The following PABPC1 variants were observed in gnomAD, a reference collection of about 807,000 sequenced individuals.
The protein encoded by PABPC1 is polyadenylate-binding protein 1.
Under a neutral mutation model 74.0 loss-of-function variants are expected in PABPC1, and 4 were observed. The observed-to-expected ratio is 0.05, with a 90% CI of 0.03 to 0.12. The LOEUF is 0.12. PABPC1 is among the 10% of genes least tolerant of loss of function. The probability of loss-of-function intolerance (pLI) is 1.00; values close to 1 mark genes in which losing one functional copy is unlikely to be tolerated. For synonymous variants in PABPC1, 227 were observed against 264.1 expected, an observed-to-expected ratio of 0.86 and a Z score of 1.36; for missense variants, 271 against 821.1, an observed-to-expected ratio of 0.33 and a Z score of 8.19.
In PABPC1 at chr8:100,715,446, A is replaced by T. The variant is rs1324857734; in HGVS notation, c.643+16T>A. The T allele has an allele frequency of 6.3e-7, 1 of 1,577,916 alleles. No homozygotes were observed. Among genetic ancestry groups the T allele is most frequent in the Non-Finnish European group, 8.6e-7 (1 of 1,159,346 alleles). On this transcript the variant is annotated intron_variant, in intron 4 of 14. Coordinates refer to ENST00000318607, the MANE Select transcript of PABPC1 (RefSeq NM_002568.4). ...TTCAGAGCTTTGTGTGTAAAAATTT[A>T]ATTAAGACACATTACCAAACTTGCC...
At chr8:100,714,095 G>A (rs1322318358) in intron 4 of PABPC1, among the ~76,000 whole-genome samples, 1 of 152,180 alleles carries the variant, frequency 6.6e-6, no homozygotes, top group Non-Finnish European at 1.5e-5. Flanking sequence ...TTTGATTACA[G>A]AAATTTAGAA....
intron 9 of PABPC1, among the ~76,000 whole-genome samples, chr8:100,708,652 G>T (rs189055045): frequency 6.6e-6 from 1 of 152,304 alleles, no homozygotes; most frequent in African/African-American, 2.4e-5. Context: ...GAGGTGGGCA[G>T]ATGACCTGAG....
chr8:100,712,920 T>G (rs1011985724), intron 5 of PABPC1, 131 bp from the exon 6 acceptor site: 2 of 1,217,376 alleles, frequency 1.6e-6, no homozygotes, highest in Non-Finnish European at 2.2e-6. Flanking sequence ...TCTCAAGGTT[T>G]TGGGACAATA....
intron 1 of PABPC1, among the ~76,000 whole-genome samples, chr8:100,720,454 T>C (rs1289826349): frequency 1.3e-5 from 2 of 152,224 alleles, no homozygotes; most frequent in Non-Finnish European, 2.9e-5. Context: ...TCTTGCATGC[T>C]ACAGATAAGA....
chr8:100,721,033 CGGA>C lies in PABPC1; in HGVS notation c.193+355_193+357del, dbSNP rs1408686492. On this transcript the variant is annotated intron_variant, in intron 1 of 14. Coordinates refer to ENST00000318607, the MANE Select transcript of PABPC1 (RefSeq NM_002568.4). This position sits in a 1 kb window ranked among gnomAD's most constrained non-coding sequence, Gnocchi z 7.4. ...TGGGAGCGCCTCCACCTCTTACCCA[CGGA>C]AGGAGCTCAGCGTTCAACGCCCCAG... Among the ~76,000 whole-genome samples the C allele has an allele frequency of 6.6e-6, 1 of 152,194 alleles. No individual in the cohort carries two copies. Among genetic ancestry groups the C allele is most frequent in the African/African-American group, 2.4e-5 (1 of 41,442 alleles).
chr8:100,721,873 C>T lies in PABPC1; in HGVS notation c.-290G>A. 3.0e-6 allele frequency: 1 copy of T among 328,546 alleles called. No individual in the cohort carries two copies. Among genetic ancestry groups the T allele is most frequent in the Non-Finnish European group, 5.5e-6 (1 of 181,632 alleles). The allele number at this position is 328,546 out of a possible 1,614,324, so 20.4% of individuals were successfully genotyped here. ...GAGCTGCTGCGGGGCCGCGGGCGGG[C>T]GGGTCGGTCTCGGCTGCTTCACCGG... On this transcript the variant is annotated 5_prime_UTR_variant, in exon 1 of 15. Transcript: ENST00000318607. This position sits in a 1 kb window ranked among gnomAD's most constrained non-coding sequence, Gnocchi z 7.4.
intron 1 of PABPC1, among the ~76,000 whole-genome samples, chr8:100,719,286 C>T (rs1365931430): frequency 6.6e-6 from 1 of 151,972 alleles, no homozygotes; most frequent in East Asian, 1.9e-4. Context: ...ATGAATTTTC[C>T]GGCCACCTCT....
chr8:100,712,902 T>C, intron 5 of PABPC1, 113 bp from the exon 6 acceptor site: 1 of 1,297,658 alleles, frequency 7.7e-7, no homozygotes, highest in Non-Finnish European at 1.0e-6. Flanking sequence ...GACAAACCCA[T>C]CCCAAAATCT....
rs1810288387 is a variant in PABPC1, at chr8:100,703,183, T to C, written c.*178A>G. ...TTTAAATCAATAAGTAATCTAGGAC[T>C]AGCATTATGTTTGCTAGACCTGGCA... is the stretch of plus-strand genomic sequence containing the variant. On this transcript the variant is annotated 3_prime_UTR_variant, in exon 15 of 15. Coordinates refer to ENST00000318607, the MANE Select transcript of PABPC1 (RefSeq NM_002568.4). 1 of 167,012 alleles carries C rather than the reference T, an allele frequency of 6.0e-6. No homozygotes were observed. The highest frequency in any genetic ancestry group is 1.9e-4 in the East Asian group (1 of 5,214). 10.3% of individuals were successfully genotyped at this position (167,012 alleles called of 1,614,324 possible).
At chr8:100,709,822 A>G (rs1810481237) in intron 7 of PABPC1, 91 bp from the exon 8 acceptor site, 1 of 1,288,228 alleles carries the variant, frequency 7.8e-7, no homozygotes, top group Non-Finnish European at 1.1e-6. Flanking sequence ...AAATCACTGA[A>G]TCAAATAACT....
Position 100,715,616 on chromosome 8 carries a change from A to G in PABPC1, c.504-15T>C, listed in dbSNP as rs1323222403. 6 of 1,583,674 alleles carry G rather than the reference A, an allele frequency of 3.8e-6. No homozygotes were observed. The highest frequency in any genetic ancestry group is 5.2e-6 in the Non-Finnish European group (6 of 1,156,510). ...GTCCAACAAATCTAATAAGATATACAAGGACTATAACATTAGATTCTATTT... is the reference window on the plus strand; with the variant it reads ...GTCCAACAAATCTAATAAGATATACGAGGACTATAACATTAGATTCTATTT... On this transcript the variant is annotated splice_polypyrimidine_tract_variant and intron_variant, in intron 3 of 14. Transcript: ENST00000318607.
Position 100,721,592 on chromosome 8 carries a change from G to A in PABPC1, c.-9C>T. On this transcript the variant is annotated 5_prime_UTR_variant, in exon 1 of 15. Coordinates refer to ENST00000318607, the MANE Select transcript of PABPC1 (RefSeq NM_002568.4). This position sits in a 1 kb window ranked among gnomAD's most constrained non-coding sequence, Gnocchi z 7.4. ...GGGGCACTGGGGTTCATCTCGGCAC[G>A]GCTGCCCGCAGGGCCACAGGCCGCG... 1.9e-6 allele frequency: 3 copies of A among 1,551,422 alleles called. No individual in the cohort carries two copies. Among genetic ancestry groups the A allele is most frequent in the Non-Finnish European group, 2.6e-6 (3 of 1,141,140 alleles).
chr8:100,715,686 G>T, intron 3 of PABPC1, 85 bp from the exon 4 acceptor site: 2 of 908,194 alleles, frequency 2.2e-6, no homozygotes, highest in African/African-American at 1.7e-5. Flanking sequence ...TTTTGTTACT[G>T]TTAATGAGAA....
intron 11 of PABPC1, 29 bp downstream of exon 11, chr8:100,706,622 T>C (rs371388674): frequency 3.9e-5 from 62 of 1,598,898 alleles, no homozygotes; most frequent in Admixed American, 1.5e-4. Flanking sequence ...AGAAATGTGA[T>C]TTTTATTAAG....
rs532551806 is a variant in PABPC1, at chr8:100,720,569, T to C, written c.193+822A>G. Among the ~76,000 whole-genome samples, 6 of 152,296 alleles carry C rather than the reference T, an allele frequency of 3.9e-5. No homozygotes were observed. The South Asian group carries it at 8.3e-4, about 21-fold the overall frequency. The stretch of plus-strand genomic sequence containing the variant: ...ACAGGAACTATTTCAGAAGGTAACA[T>C]AATATACTCGAAAACCACCAGTACT... On this transcript the variant is annotated intron_variant, in intron 1 of 14. Coordinates refer to ENST00000318607, the MANE Select transcript of PABPC1 (RefSeq NM_002568.4).
chr8:100,714,400 G>A (rs897838958), intron 4 of PABPC1, among the ~76,000 whole-genome samples: 3 of 152,066 alleles, frequency 2.0e-5, no homozygotes, highest in South Asian at 2.1e-4. Context: ...TGCTCTAGTG[G>A]AGGGCTTGAT....
chr8:100,705,754 G>T lies in PABPC1; in HGVS notation c.1603-81C>A, dbSNP rs1463705607. 4.5e-6 allele frequency: 4 copies of T among 881,384 alleles called. No homozygotes were observed. The East Asian group carries it at 1.0e-4, about 23-fold the overall frequency. The allele number at this position is 881,384 out of a possible 1,614,324, so 54.6% of individuals were successfully genotyped here. A position where few individuals can be genotyped will look rare whatever the true frequency, so the allele number is the denominator to read the frequency against. On this transcript the variant is annotated intron_variant, in intron 11 of 14. Coordinates refer to ENST00000318607, the MANE Select transcript of PABPC1 (RefSeq NM_002568.4). ...AAATAGTCATCAATGGACATCTGCT[G>T]AAGTGGTAGACTTCCATCGAAACAT...
chr8:100,704,884 A>G (rs781547111), intron 13 of PABPC1, 42 bp downstream of exon 13: 9 of 1,606,778 alleles, frequency 5.6e-6, no homozygotes, highest in African/African-American at 5.4e-5. Flanking sequence ...AAGCCACGTA[A>G]TAACTGTGTA....
intron 7 of PABPC1, 58 bp from the exon 8 acceptor site, chr8:100,709,789 AG>A: frequency 6.7e-7 from 1 of 1,485,150 alleles, no homozygotes; most frequent in Non-Finnish European, 9.1e-7. Flanking sequence ...GCAAAAAAAG[AG>A]CGTTACAATT....
Sources: gnomAD v4.1 joint callset for allele counts (sites outside exome capture counted in the v4.1 genomes callset) on GRCh38, gnomAD v4.1.1 for gene constraint, Gnocchi (gnomAD v3.1) non-coding constraint, MANE v1.5 for transcripts, NCBI Gene and HGNC (gene_info 2026-07-23, HGNC 2026-07-21) for gene names.